Variants in ATG7 observed in about 807,000 individuals in gnomAD.
ATG7 encodes the protein ubiquitin-like modifier-activating enzyme ATG7.
Under a neutral mutation model 82.4 loss-of-function variants are expected in ATG7, and 70 were observed. That is an observed-to-expected ratio of 0.85 (90% confidence interval 0.70 to 1.04). ATG7 has a LOEUF of 1.04. Ranked by LOEUF, ATG7 falls within the 50% of genes least tolerant of loss-of-function variation. ATG7 has a pLI of 0.00. For synonymous variants in ATG7, 287 were observed against 313.0 expected (o/e 0.92, Z 0.88); for missense variants, 792 against 864.3 (o/e 0.92, Z 1.05).
At position 11,297,816 on chromosome 3, in the gene ATG7, T is replaced by A. The variant is rs554368962; in HGVS notation, c.-10-870T>A. Among the ~76,000 whole-genome samples the A allele has an allele frequency of 2.0e-4, 30 of 152,258 alleles. 1 individual carries two copies. The South Asian group carries it at 6.0e-3, about 30-fold the overall frequency. ...TTGGGTTGTTGCATTTCTGAGTGGC[T>A]GGATTTAGGATTTTGTACTTGCAGA... On this transcript the variant is annotated intron_variant, in intron 3 of 20. Coordinates refer to ENST00000693202, the MANE Select transcript of ATG7 (RefSeq NM_001349232.2).
intron 11 of ATG7, among the ~76,000 whole-genome samples, chr3:11,340,358 C>T (rs1953337577): frequency 6.6e-6 from 1 of 151,446 alleles, no homozygotes; most frequent in South Asian, 2.1e-4. Context: ...AGTTGAGCCA[C>T]CTTGGGCCAG....
chr3:11,485,581 A>C (rs1011633855), intron 20 of ATG7, among the ~76,000 whole-genome samples: 1 of 152,150 alleles, frequency 6.6e-6, no homozygotes, highest in Non-Finnish European at 1.5e-5. Flanking sequence ...TTTTGTTGAC[A>C]TTGCTTTTGG....
At chr3:11,287,878 C>T (rs1039007076) in intron 3 of ATG7, among the ~76,000 whole-genome samples, 3 of 152,226 alleles carry the variant, frequency 2.0e-5, no homozygotes, top group African/African-American at 4.8e-5. Context: ...ACTATTGGCA[C>T]CTTCAAAGAA....
At chr3:11,488,843 A>G (rs1182710276) in intron 20 of ATG7, among the ~76,000 whole-genome samples, 5 of 152,202 alleles carry the variant, frequency 3.3e-5, no homozygotes, top group African/African-American at 1.2e-4. Flanking sequence ...ATGTTCATCA[A>G]GGATATTGGT....
At chr3:11,426,741 A>G in intron 19 of ATG7, 63 bp from the exon 20 acceptor site, 1 of 1,400,926 alleles carries the variant, frequency 7.1e-7, no homozygotes, top group South Asian at 1.5e-5. Flanking sequence ...TTAGAAGTGA[A>G]AGTCTTTTAA....
At chr3:11,391,337 G>C (rs1251976524) in intron 19 of ATG7, among the ~76,000 whole-genome samples, 1 of 152,156 alleles carries the variant, frequency 6.6e-6, no homozygotes, top group Non-Finnish European at 1.5e-5. Context: ...GAGGTTTAAT[G>C]TTCCCCGGAG....
the ATG7 span, among the ~76,000 whole-genome samples, chr3:11,575,210 G>A: frequency 2.6e-5 from 4 of 152,168 alleles, no homozygotes; most frequent in Non-Finnish European, 5.9e-5. Flanking sequence ...AAGCAGCTCA[G>A]GTCTGTGGTG....
chr3:11,373,548 T>G (rs190733359), intron 18 of ATG7, among the ~76,000 whole-genome samples: 2 of 152,334 alleles, frequency 1.3e-5, no homozygotes, highest in South Asian at 2.1e-4. Flanking sequence ...TTCCAGGGGC[T>G]TCTTCTGATG....
At chr3:11,366,218 CAAAAAAA>C (rs1296231136) in intron 18 of ATG7, among the ~76,000 whole-genome samples, 1 of 60,648 alleles carries the variant, frequency 1.6e-5, no homozygotes, top group Non-Finnish European at 3.5e-5. Flanking sequence ...GACTCCATCT[CAAAAAAA>C]AAAAAAAAAA....
In ATG7 at chr3:11,360,561, T is replaced by C. The variant is rs1298164196; in HGVS notation, c.1480-20T>C. The C allele has an allele frequency of 1.2e-6, 2 of 1,608,498 alleles. No individual in the cohort carries two copies. Among genetic ancestry groups the C allele is most frequent in the Non-Finnish European group, 1.7e-6 (2 of 1,176,766 alleles). On this transcript the variant is annotated intron_variant, in intron 15 of 20. Transcript: ENST00000693202. ...ATATGTGTCTTTTAACTCTGCTCTT[T>C]CATTCCTTGAAACCTGCAGCTGGTC...
At chr3:11,484,518 T>A (rs939658917) in intron 20 of ATG7, among the ~76,000 whole-genome samples, 83 of 152,242 alleles carry the variant, frequency 5.5e-4, no homozygotes, top group African/African-American at 1.9e-3. Context: ...ATCTAGCAGA[T>A]TCTTGGTGAT....
chr3:11,558,811 G>A (rs747462181), downstream of ATG7: 1 of 1,611,998 alleles, frequency 6.2e-7, no homozygotes, highest in South Asian at 1.1e-5. Context: ...CCACCACGGG[G>A]TCACAGGTGG....
At chr3:11,379,202 T>C (rs937923885) in intron 18 of ATG7, among the ~76,000 whole-genome samples, 3 of 152,230 alleles carry the variant, frequency 2.0e-5, no homozygotes, top group African/African-American at 7.2e-5. Context: ...TCTGGTTTAT[T>C]ATAAACGTTG....
At chr3:11,521,277 G>C (rs185522601) in intron 20 of ATG7, among the ~76,000 whole-genome samples, 2 of 152,306 alleles carry the variant, frequency 1.3e-5, no homozygotes, top group Non-Finnish European at 2.9e-5. Flanking sequence ...CGTGCTAGAT[G>C]CTGACAAAGA....
At chr3:11,518,138 A>G (rs985057894) in intron 20 of ATG7, among the ~76,000 whole-genome samples, 3 of 152,324 alleles carry the variant, frequency 2.0e-5, no homozygotes, top group Non-Finnish European at 4.4e-5. Context: ...GGGCGGGGCA[A>G]TCAGAGAAAG....
Position 11,407,289 on chromosome 3 carries a change from G to GC in ATG7, c.1957-19514dup, listed in dbSNP as rs1659881056. ...TGTCTCACATCCAGGTCATGCTGAT[G>GC]CAAGAGGTGGGAAGGCATGATTGGT... On this transcript the variant is annotated intron_variant, in intron 19 of 20. Coordinates refer to ENST00000693202, the MANE Select transcript of ATG7 (RefSeq NM_001349232.2). Among the ~76,000 whole-genome samples, 3 of 152,348 alleles carry GC rather than the reference G, an allele frequency of 2.0e-5. No individual in the cohort carries two copies. The South Asian group carries it at 6.2e-4, about 32-fold the overall frequency.
At chr3:11,572,346 G>T in the ATG7 span, among the ~76,000 whole-genome samples, 1 of 152,064 alleles carries the variant, frequency 6.6e-6, no homozygotes, top group African/African-American at 2.4e-5. Context: ...ATATATATTG[G>T]ACTGGCTCCA....
At chr3:11,355,712 C>G (rs890426597) in intron 14 of ATG7, among the ~76,000 whole-genome samples, 1 of 152,186 alleles carries the variant, frequency 6.6e-6, no homozygotes, top group Non-Finnish European at 1.5e-5. Flanking sequence ...CCTGACAATG[C>G]TAAATGTTGT....
In ATG7 at chr3:11,326,286, GT is replaced by G. The variant is rs60421306; in HGVS notation, c.679-5044del. 4.8e-5 allele frequency among the ~76,000 whole-genome samples: 7 copies of G among 146,704 alleles called. No homozygotes were observed. In the South Asian group the frequency reaches 8.5e-4, roughly 18 times the overall value. On this transcript the variant is annotated intron_variant, in intron 9 of 20. Transcript: ENST00000693202. ...TACACTTGATAGAGTTGTAAATGCT[GT>G]TTTTTTTTTGTTGTTGTTGTTTTGT...
Sources: gnomAD v4.1 joint callset for allele counts (sites outside exome capture counted in the v4.1 genomes callset) on GRCh38, gnomAD v4.1.1 for gene constraint, MANE v1.5 for transcripts, NCBI Gene and HGNC (gene_info 2026-07-23, HGNC 2026-07-21) for gene names.